Variants in KCNAB1 observed in about 807,000 individuals in gnomAD.
The protein encoded by KCNAB1 is voltage-gated potassium channel subunit beta-1.
In KCNAB1, 35 loss-of-function variants were observed where a neutral mutation model predicts 64.6. The observed-to-expected ratio is 0.54, with a 90% CI of 0.41 to 0.72. The LOEUF (loss-of-function observed/expected upper bound fraction) is 0.72, where lower values mean the gene tolerates loss of function less well. KCNAB1 is among the 30% of genes least tolerant of loss of function. The pLI is 0.00. For synonymous variants in KCNAB1, 177 were observed against 183.8 expected (o/e 0.96, Z 0.30); for missense variants, 401 against 512.9 (o/e 0.78, Z 2.11).
chr3:156,168,568 C>A (rs535297478), intron 1 of KCNAB1, among the ~76,000 whole-genome samples: 2 of 152,050 alleles, frequency 1.3e-5, no homozygotes, highest in Non-Finnish European at 2.9e-5. Context: ...TCTGTGTATT[C>A]ATTCAACAAG....
At chr3:156,185,773 A>G (rs976803747) in intron 1 of KCNAB1, among the ~76,000 whole-genome samples, 12 of 152,226 alleles carry the variant, frequency 7.9e-5, no homozygotes, top group African/African-American at 2.9e-4. Context: ...GACACCTTTC[A>G]GATGGGAATT....
At chr3:156,210,247 A>T (rs932080519) in intron 1 of KCNAB1, among the ~76,000 whole-genome samples, 1 of 152,034 alleles carries the variant, frequency 6.6e-6, no homozygotes, top group African/African-American at 2.4e-5. Flanking sequence ...TGCTCTATGG[A>T]GCAGGGCCTC....
At chr3:156,466,235 T>C (rs1439054678) in intron 7 of KCNAB1, among the ~76,000 whole-genome samples, 4 of 152,176 alleles carry the variant, frequency 2.6e-5, no homozygotes, top group African/African-American at 9.6e-5. Context: ...GATCTCATGA[T>C]ATATGATATT....
intron 1 of KCNAB1, among the ~76,000 whole-genome samples, chr3:156,197,267 T>C (rs773010791): frequency 7.0e-4 from 106 of 152,314 alleles, no homozygotes; most frequent in Admixed American, 1.8e-3. Flanking sequence ...AATTTTCTTT[T>C]TTTGTGTGTG....
intron 6 of KCNAB1, among the ~76,000 whole-genome samples, chr3:156,464,480 CA>C (rs201395275): frequency 0.15 from 22,876 of 148,472 alleles, 3,181 homozygotes; most frequent in African/African-American, 0.38. Flanking sequence ...ACAGAAATCG[CA>C]AAAAAATAAT....
At chr3:156,347,658 G>A (rs975785301) in intron 1 of KCNAB1, among the ~76,000 whole-genome samples, 1 of 152,196 alleles carries the variant, frequency 6.6e-6, no homozygotes, top group Non-Finnish European at 1.5e-5. Flanking sequence ...TCATCAGGTT[G>A]TTTGATAGAC....
At chr3:156,340,097 T>C (rs778388301) in intron 1 of KCNAB1, among the ~76,000 whole-genome samples, 1 of 152,194 alleles carries the variant, frequency 6.6e-6, no homozygotes, top group Admixed American at 6.5e-5. Context: ...TCAATATTAG[T>C]AGCAGAAGCA....
At chr3:156,266,961 A>C (rs999307684) in intron 1 of KCNAB1, among the ~76,000 whole-genome samples, 1 of 152,172 alleles carries the variant, frequency 6.6e-6, no homozygotes, top group Non-Finnish European at 1.5e-5. Context: ...CATTACAGAA[A>C]GCATTATTTC....
chr3:156,434,293 G>A (rs1404494295), intron 2 of KCNAB1, among the ~76,000 whole-genome samples: 1 of 152,172 alleles, frequency 6.6e-6, no homozygotes, highest in Non-Finnish European at 1.5e-5. Context: ...TGAGAATAGA[G>A]GTGGGGAGAC....
rs1717470495 is a variant in KCNAB1 at position 156,515,128 on chromosome 3, A to G, written c.773A>G (p.Asn258Ser). The change falls in exon 10 of 14, where the codon AAT becomes AGT. Residue 258 changes from asparagine (N) to serine (S), a missense_variant. By Grantham distance (46) the Asn-to-Ser change is conservative. Transcript: ENST00000490337. Reference protein sequence around the residue: ...MEAYSVARQFNMIPPVCEQAE... With the variant: ...MEAYSVARQFSMIPPVCEQAE... The stretch of plus-strand genomic sequence containing the variant: ...GCCTATTCTGTAGCAAGACAGTTCA[A>G]TATGATCCCACCGGTCTGTGAACAA... The G allele has an allele frequency of 6.2e-7, 1 of 1,613,348 alleles. No individual in the cohort carries two copies. Among genetic ancestry groups the G allele is most frequent in the South Asian group, 1.1e-5 (1 of 90,948 alleles).
intron 8 of KCNAB1, among the ~76,000 whole-genome samples, chr3:156,485,997 T>A (rs1715183916): frequency 6.6e-6 from 1 of 152,114 alleles, no homozygotes; most frequent in Non-Finnish European, 1.5e-5. Context: ...GGTTGCTGCA[T>A]CCCATTGCTG....
rs80199251 is a variant in KCNAB1 at position 156,360,347 on chromosome 3, C to T, written c.276-61269C>T. On this transcript the variant is annotated intron_variant, in intron 1 of 13. Transcript: ENST00000490337. Reference sequence around the variant, plus strand: ...CTCCTGACTCACCATCCCAACCTAGCCTGCCTTTCTGTAGCCTTCCTCACC... The same window carrying T: ...CTCCTGACTCACCATCCCAACCTAGTCTGCCTTTCTGTAGCCTTCCTCACC... Among the ~76,000 whole-genome samples, 238 of 152,282 alleles carry T rather than the reference C, an allele frequency of 1.6e-3. 1 individual carries two copies. Among genetic ancestry groups the T allele is most frequent in the East Asian group, 7.9e-3 (41 of 5,182 alleles).
intron 5 of KCNAB1, among the ~76,000 whole-genome samples, chr3:156,463,447 C>T (rs1713089508): frequency 6.6e-6 from 1 of 152,142 alleles, no homozygotes; most frequent in Admixed American, 6.5e-5. Context: ...GACTTGTTAT[C>T]ACTGCCCTCC....
intron 1 of KCNAB1, among the ~76,000 whole-genome samples, chr3:156,135,404 C>T (rs1055830049): frequency 6.6e-6 from 1 of 152,132 alleles, no homozygotes; most frequent in African/African-American, 2.4e-5. Flanking sequence ...GATTTAAGTC[C>T]TTGTCCACTA....
rs137932145 is a variant in KCNAB1, at chr3:156,437,650, T to C, written c.320-15249T>C. 4.7e-3 allele frequency among the ~76,000 whole-genome samples: 723 copies of C among 152,338 alleles called. 7 individuals are homozygous for C. The highest frequency in any genetic ancestry group is 0.016 in the African/African-American group (678 of 41,570). Reference sequence around the variant, plus strand: ...TATTTCACATTTAAAAAAATTCTGCTAAGCTTCTTTTGCTACAGTCATTTG... The same window carrying C: ...TATTTCACATTTAAAAAAATTCTGCCAAGCTTCTTTTGCTACAGTCATTTG... On this transcript the variant is annotated intron_variant, in intron 2 of 13. Coordinates refer to ENST00000490337, the MANE Select transcript of KCNAB1 (RefSeq NM_172160.3).
At chr3:156,208,181 G>A (rs754734763) in intron 1 of KCNAB1, among the ~76,000 whole-genome samples, 5 of 152,094 alleles carry the variant, frequency 3.3e-5, no homozygotes, top group African/African-American at 4.8e-5. Context: ...GGAACTTCCT[G>A]CATCCTAGTT....
intron 11 of KCNAB1, among the ~76,000 whole-genome samples, chr3:156,519,448 CCTT>C (rs1717787621): frequency 6.6e-6 from 1 of 152,144 alleles, no homozygotes; most frequent in Non-Finnish European, 1.5e-5. Flanking sequence ...CTGTGGAATC[CCTT>C]CTTATTGCTA....
intron 1 of KCNAB1, among the ~76,000 whole-genome samples, chr3:156,362,312 A>C (rs1254996190): frequency 2.6e-5 from 4 of 152,252 alleles, no homozygotes; most frequent in South Asian, 2.1e-4. Context: ...AATAGGAATG[A>C]GGAGTGAAGC....
intron 8 of KCNAB1, among the ~76,000 whole-genome samples, chr3:156,506,498 C>T (rs1716845663): frequency 6.6e-6 from 1 of 152,068 alleles, no homozygotes; most frequent in Non-Finnish European, 1.5e-5. Context: ...TCAGGGAAAA[C>T]CAGTGTGTGG....
Sources: allele counts gnomAD v4.1 joint callset (sites outside exome capture counted in the v4.1 genomes callset), GRCh38; gene constraint gnomAD v4.1.1; transcripts MANE v1.5; gene names NCBI Gene and HGNC (gene_info 2026-07-23, HGNC 2026-07-21).